The following LBHD2 variants were observed in gnomAD, a reference collection of about 807,000 sequenced individuals.
LBHD2 encodes the protein LBH domain-containing protein 2.
intron 2 of LBHD2, among the ~76,000 whole-genome samples, chr14:103,087,025 G>A (rs193259692): frequency 9.8e-5 from 15 of 152,386 alleles, no homozygotes; most frequent in Admixed American, 9.8e-4. Context: ...TGGGGAGGGA[G>A]AGCAGGCTGG....
intron 2 of LBHD2, among the ~76,000 whole-genome samples, chr14:103,086,593 G>A (rs1490528365): frequency 6.6e-6 from 1 of 152,174 alleles, no homozygotes; most frequent in Non-Finnish European, 1.5e-5. Flanking sequence ...TTCCTGACCT[G>A]AGGACCCCAG....
rs553506501 is a variant in LBHD2, at chr14:103,089,575, C to T, written c.227-122C>T. 6.8e-5 allele frequency: 27 copies of T among 397,856 alleles called. No individual in the cohort carries two copies. The South Asian group carries it at 2.9e-3, about 43-fold the overall frequency. 24.6% of individuals were successfully genotyped at this position (397,856 alleles called of 1,614,324 possible). ...AGCACCCCTCCCGCTTCTCATCACC[C>T]GAGGGGACCTCCTGGCCTGCCCCAG... On this transcript the variant is annotated intron_variant, in intron 3 of 3. Transcript: ENST00000634353.
intron 2 of LBHD2, among the ~76,000 whole-genome samples, chr14:103,087,653 T>G (rs1889653120): frequency 6.6e-6 from 1 of 152,142 alleles, no homozygotes; most frequent in Non-Finnish European, 1.5e-5. Context: ...GCTTCCCAGC[T>G]CCTCTGAGCC....
chr14:103,088,266 G>A lies in LBHD2; in HGVS notation c.226+25G>A, dbSNP rs1450450430. On this transcript the variant is annotated intron_variant, in intron 3 of 3. Transcript: ENST00000634353. The stretch of plus-strand genomic sequence containing the variant: ...GGTAAGTGAGGGTGCCTGTGGGGGT[G>A]CTGAGAGGAGGAAGTGGCCACTGCC... The A allele has an allele frequency of 7.5e-5, 30 of 398,858 alleles. 1 individual carries two copies. In the Admixed American group the frequency reaches 1.0e-3, roughly 13 times the overall value. The allele number at this position is 398,858 out of a possible 1,614,324, so 24.7% of individuals were successfully genotyped here.
intron 2 of LBHD2, among the ~76,000 whole-genome samples, chr14:103,086,539 T>TA (rs1000111763): frequency 2.0e-5 from 3 of 151,722 alleles, no homozygotes; most frequent in Admixed American, 6.6e-5. Flanking sequence ...GTATAATGGA[T>TA]AAAAAAAATT....
At chr14:103,086,500 T>C (rs1292349733) in intron 2 of LBHD2, among the ~76,000 whole-genome samples, 2 of 152,188 alleles carry the variant, frequency 1.3e-5, no homozygotes, top group African/African-American at 4.8e-5. Context: ...CGTGAGCCAC[T>C]GTGCCCGGCT....
At chr14:103,087,999 T>C in intron 2 of LBHD2, 86 bp from the exon 3 acceptor site, 1 of 397,966 alleles carries the variant, frequency 2.5e-6, no homozygotes, top group Non-Finnish European at 4.4e-6. Flanking sequence ...CTGATCTCCC[T>C]AGTGGGGCAG....
intron 3 of LBHD2, among the ~76,000 whole-genome samples, chr14:103,089,356 A>G (rs958413706): frequency 6.6e-6 from 1 of 152,126 alleles, no homozygotes; most frequent in Admixed American, 6.5e-5. Context: ...CCTCTGCCCA[A>G]AGCCTCTTGT....
chr14:103,088,280 G>A, intron 3 of LBHD2, 39 bp downstream of exon 3: 1 of 398,876 alleles, frequency 2.5e-6, no homozygotes, highest in East Asian at 3.6e-5. Flanking sequence ...AGAGGAGGAA[G>A]TGGCCACTGC....
In LBHD2 at chr14:103,086,018, C is replaced by T. The variant is rs1889627419; in HGVS notation, c.6C>T (p.Ser2=). Residue 2 remains serine, a synonymous_variant, in exon 2 of 4, where the codon AGC becomes AGT. Coordinates refer to ENST00000634353, the MANE Select transcript of LBHD2 (RefSeq NM_001330236.2). ...GGCGCAGTGGCGGCAGCAGCATGAG[C>T]ACCCCCCGGCCTGCTCCACCACAGC... The part of the protein sequence containing the change: M[S]TPRPAPPQPG... 3 of 398,572 alleles carry T rather than the reference C, an allele frequency of 7.5e-6. No homozygotes were observed. The highest frequency in any genetic ancestry group is 2.5e-4 in the South Asian group (2 of 7,860). The allele number at this position is 398,572 out of a possible 1,614,324, so 24.7% of individuals were successfully genotyped here.
intron 2 of LBHD2, 143 bp from the exon 3 acceptor site, chr14:103,087,942 A>C (rs1889656323): frequency 2.5e-6 from 1 of 395,862 alleles, no homozygotes; most frequent in East Asian, 3.6e-5. Context: ...TCCTGTGTGA[A>C]TACACATGTG....
At chr14:103,088,791 C>T (rs1168946572) in intron 3 of LBHD2, among the ~76,000 whole-genome samples, 33 of 152,148 alleles carry the variant, frequency 2.2e-4, no homozygotes, top group Admixed American at 1.8e-3. Flanking sequence ...GTCAGGAGTT[C>T]GAGACTAGCC....
chr14:103,084,247 C>G lies in LBHD2; in HGVS notation c.-138C>G, dbSNP rs1294706944. ...AGCCAGCGGAGCGCGGAGGCCCCAG[C>G]GCCAGCACCCGCGCGGGCGGTGAGC... On this transcript the variant is annotated 5_prime_UTR_variant, in exon 1 of 4. Coordinates refer to ENST00000634353, the MANE Select transcript of LBHD2 (RefSeq NM_001330236.2). The G allele has an allele frequency of 6.6e-6, 1 of 152,208 alleles. No individual in the cohort carries two copies. The highest frequency in any genetic ancestry group is 1.5e-5 in the Non-Finnish European group (1 of 68,078). 9.4% of individuals were successfully genotyped at this position (152,208 alleles called of 1,614,324 possible).
In LBHD2 at chr14:103,089,790, G is replaced by A. The variant is rs951849156; in HGVS notation, c.320G>A (p.Arg107Gln). The change falls in exon 4 of 4, where the codon CGG becomes CAG. Residue 107 changes from arginine to glutamine, a missense_variant. Arg to Gln is a conservative substitution (Grantham distance 43). Transcript: ENST00000634353. ...ACSEDPAAPA[R>Q]G ...TCCGAGGACCCAGCAGCCCCGGCCC[G>A]GGGATAGGACAAGGACGTGGCTGGG... The A allele has an allele frequency of 5.3e-5, 21 of 398,518 alleles. No individual in the cohort carries two copies. Among genetic ancestry groups the A allele is most frequent in the African/African-American group, 3.1e-4 (15 of 48,640 alleles). 24.7% of individuals were successfully genotyped at this position (398,518 alleles called of 1,614,324 possible).
chr14:103,088,798 A>G (rs1889669247), intron 3 of LBHD2, among the ~76,000 whole-genome samples: 1 of 152,214 alleles, frequency 6.6e-6, no homozygotes, highest in Admixed American at 6.5e-5. Flanking sequence ...GTTCGAGACT[A>G]GCCTGGCCAA....
At position 103,085,910 on chromosome 14, in the gene LBHD2, T is replaced by G. The variant is rs1319631787; in HGVS notation, c.-37-66T>G. ...GGTGGAGTGGGGTGGGCTTAGCACC[T>G]GAAGCCTTCGGGGGAGTGTGGATCC... On this transcript the variant is annotated intron_variant, in intron 1 of 3. Coordinates refer to ENST00000634353, the MANE Select transcript of LBHD2 (RefSeq NM_001330236.2). 2.8e-5 allele frequency: 11 copies of G among 397,528 alleles called. No individual in the cohort carries two copies. In the Admixed American group the frequency reaches 3.1e-4, roughly 11 times the overall value. 24.6% of individuals were successfully genotyped at this position (397,528 alleles called of 1,614,324 possible).
intron 1 of LBHD2, among the ~76,000 whole-genome samples, chr14:103,085,127 C>A (rs1015685046): frequency 6.6e-6 from 1 of 152,130 alleles, no homozygotes; most frequent in African/African-American, 2.4e-5. Flanking sequence ...GCTTTGCTGG[C>A]GGCCACAGGA....
At chr14:103,086,953 A>T (rs58357315) in intron 2 of LBHD2, among the ~76,000 whole-genome samples, 1 of 152,056 alleles carries the variant, frequency 6.6e-6, no homozygotes, top group South Asian at 2.1e-4. Context: ...GACCTCGTTC[A>T]CCCCAGTGGG....
chr14:103,089,508 C>T (rs1453150622), intron 3 of LBHD2, among the ~76,000 whole-genome samples, 189 bp from the exon 4 acceptor site: 4 of 152,144 alleles, frequency 2.6e-5, no homozygotes, highest in African/African-American at 9.7e-5. Context: ...GTGGGAGCTG[C>T]CCCTGCTCGC....
Sources: gnomAD v4.1 joint callset for allele counts (sites outside exome capture counted in the v4.1 genomes callset) on GRCh38, gnomAD v4.1.1 for gene constraint, MANE v1.5 for transcripts, NCBI Gene and HGNC (gene_info 2026-07-23, HGNC 2026-07-21) for gene names.